Variants in MYRIP observed in about 807,000 individuals in gnomAD.
The protein encoded by MYRIP is rab effector MyRIP.
A neutral mutation model predicts 98.0 loss-of-function variants in MYRIP; 49 were observed. The ratio of observed to expected loss-of-function variants is 0.50; its 90% CI spans 0.40 to 0.63. The LOEUF (loss-of-function observed/expected upper bound fraction) is 0.63. Among genes scored for constraint, MYRIP ranks in the 30% least tolerant of loss-of-function variants. The probability of loss-of-function intolerance (pLI) is 0.00; values close to 1 mark genes in which losing one functional copy is unlikely to be tolerated. For synonymous variants in MYRIP, 404 were observed against 409.5 expected, an observed-to-expected ratio of 0.99 and a Z score of 0.16; for missense variants, 1,004 against 1,058.2, an observed-to-expected ratio of 0.95 and a Z score of 0.71.
At chr3:39,983,468 C>T (rs765385378) in intron 2 of MYRIP, among the ~76,000 whole-genome samples, 19 of 152,142 alleles carry the variant, frequency 1.2e-4, no homozygotes, top group Non-Finnish European at 2.6e-4. Context: ...TTTTTATGCT[C>T]GACAATTTTG....
At chr3:40,218,152 T>C (rs1048769331) in intron 11 of MYRIP, among the ~76,000 whole-genome samples, 5 of 152,070 alleles carry the variant, frequency 3.3e-5, no homozygotes, top group Non-Finnish European at 5.9e-5. Flanking sequence ...ATTTCTCTAA[T>C]AAAGACCTAT....
intron 1 of MYRIP, among the ~76,000 whole-genome samples, chr3:39,868,528 T>C (rs1441340894): frequency 6.6e-6 from 1 of 152,154 alleles, no homozygotes; most frequent in African/African-American, 2.4e-5. Context: ...ACCCTTGACA[T>C]TTATTGAGCA....
rs1314544149 is a variant in MYRIP, at chr3:40,260,211, GATA to G, written c.*2049_*2051del. ...TGGTTTAAGAAAATGAGGACAACAG[GATA>G]ATATCTTTGATGACTTCTGAAAGTT... On this transcript the variant is annotated 3_prime_UTR_variant, in exon 17 of 17. Transcript: ENST00000302541. 4 of 152,260 alleles carry G rather than the reference GATA, an allele frequency of 2.6e-5. No individual in the cohort carries two copies. The South Asian group carries it at 8.3e-4, about 32-fold the overall frequency. 9.4% of individuals were successfully genotyped at this position (152,260 alleles called of 1,614,324 possible). A position where few individuals can be genotyped will look rare whatever the true frequency, so the allele number is the denominator to read the frequency against.
At chr3:40,249,659 C>A (rs1269110095) in intron 13 of MYRIP, among the ~76,000 whole-genome samples, 1 of 152,174 alleles carries the variant, frequency 6.6e-6, no homozygotes, top group Non-Finnish European at 1.5e-5. Flanking sequence ...AAAATCTGAG[C>A]TCTCTCTTGA....
intron 3 of MYRIP, among the ~76,000 whole-genome samples, chr3:40,122,504 T>C (rs1035118724): frequency 2.0e-4 from 30 of 151,754 alleles, no homozygotes; most frequent in Admixed American, 2.6e-4. Context: ...ATCATAAAGA[T>C]AATCATCTTA....
At chr3:39,994,205 G>A (rs975489478) in intron 2 of MYRIP, among the ~76,000 whole-genome samples, 1 of 152,232 alleles carries the variant, frequency 6.6e-6, no homozygotes, top group Non-Finnish European at 1.5e-5. Flanking sequence ...GACAGTGGGT[G>A]CAGCACACGG....
At chr3:39,874,163 T>C (rs1445885394) in intron 1 of MYRIP, among the ~76,000 whole-genome samples, 1 of 152,172 alleles carries the variant, frequency 6.6e-6, no homozygotes, top group Non-Finnish European at 1.5e-5. Context: ...CGTATAAGAA[T>C]GCTTGTGATT....
intron 3 of MYRIP, chr3:40,071,014 G>A: frequency 2.5e-6 from 1 of 396,796 alleles, no homozygotes; most frequent in Non-Finnish European, 3.4e-6. Context: ...CCTCCCACAT[G>A]GAGTGAGTCA....
At chr3:39,905,925 G>T (rs1199129285) in intron 2 of MYRIP, among the ~76,000 whole-genome samples, 1 of 152,032 alleles carries the variant, frequency 6.6e-6, no homozygotes, top group Non-Finnish European at 1.5e-5. Flanking sequence ...TTAAGTGTTT[G>T]CTTTGTCTGT....
intron 16 of MYRIP, among the ~76,000 whole-genome samples, chr3:40,252,500 CAATAGACATAGCACCGTAAGGGA>C (rs1953407749): frequency 6.6e-6 from 1 of 152,182 alleles, no homozygotes; most frequent in Non-Finnish European, 1.5e-5. Context: ...TACCCTGGCA[CAATAGACATAGCACCGTAAGGGA>C]AAGATGAAAG....
intron 2 of MYRIP, among the ~76,000 whole-genome samples, chr3:40,013,496 A>G (rs58502276): frequency 0.1 from 15,175 of 152,270 alleles, 1,290 homozygotes; most frequent in African/African-American, 0.22. Flanking sequence ...TGAGATCAGA[A>G]CATGTGTCTT....
chr3:39,809,597 G>A (rs1005405978), upstream of MYRIP: 4 of 151,432 alleles, frequency 2.6e-5, no homozygotes, highest in African/African-American at 9.7e-5. Context: ...GGTGTCGGCG[G>A]TGGCTGCGGC....
intron 2 of MYRIP, among the ~76,000 whole-genome samples, chr3:39,906,591 T>C (rs1943884050): frequency 2.0e-5 from 3 of 152,204 alleles, no homozygotes; most frequent in Admixed American, 6.5e-5. Flanking sequence ...GTCATATGAC[T>C]TTTTCCATAC....
intron 3 of MYRIP, 120 bp downstream of exon 3, chr3:40,044,391 G>A: frequency 1.0e-6 from 1 of 964,726 alleles, no homozygotes; most frequent in Non-Finnish European, 1.6e-6. Flanking sequence ...ATTGACCAAA[G>A]TAAATAGCTT....
chr3:40,181,985 C>T (rs1239275711), intron 8 of MYRIP, among the ~76,000 whole-genome samples: 1 of 152,130 alleles, frequency 6.6e-6, no homozygotes, highest in Non-Finnish European at 1.5e-5. Flanking sequence ...GAGCTGGCCC[C>T]GTAAAATTAC....
chr3:39,926,717 G>T (rs966375454), intron 2 of MYRIP, among the ~76,000 whole-genome samples: 1 of 151,940 alleles, frequency 6.6e-6, no homozygotes, highest in Non-Finnish European at 1.5e-5. Flanking sequence ...TACCACTACT[G>T]TGCTGTTTTG....
chr3:40,061,093 T>C (rs1948004758), intron 3 of MYRIP, among the ~76,000 whole-genome samples: 1 of 152,192 alleles, frequency 6.6e-6, no homozygotes, highest in Admixed American at 6.5e-5. Context: ...TTTTTAACTT[T>C]TATTTTAGGT....
intron 1 of MYRIP, among the ~76,000 whole-genome samples, chr3:39,886,704 C>G (rs1166393050): frequency 2.0e-5 from 3 of 151,290 alleles, no homozygotes; most frequent in Non-Finnish European, 4.4e-5. Flanking sequence ...CCTGAGTGAC[C>G]TACAAAGAGA....
At chr3:39,972,503 A>T (rs76494452) in intron 2 of MYRIP, among the ~76,000 whole-genome samples, 1 of 152,078 alleles carries the variant, frequency 6.6e-6, no homozygotes, top group Non-Finnish European at 1.5e-5. Flanking sequence ...AATAATAAAC[A>T]TTGCTTTTTA....
Sources: allele counts gnomAD v4.1 joint callset (sites outside exome capture counted in the v4.1 genomes callset), GRCh38; gene constraint gnomAD v4.1.1; transcripts MANE v1.5; gene names NCBI Gene and HGNC (gene_info 2026-07-23, HGNC 2026-07-21).